Variants in EEF1E1 observed in about 807,000 individuals in gnomAD.
EEF1E1 encodes eukaryotic translation elongation factor 1 epsilon 1.
Under a neutral mutation model 19.9 loss-of-function variants are expected in EEF1E1, and 19 were observed. The ratio of observed to expected loss-of-function variants is 0.95; its 90% CI spans 0.66 to 1.40. EEF1E1 has a LOEUF of 1.40. Among genes scored for constraint, EEF1E1 ranks in the 40% most tolerant of loss-of-function variants. EEF1E1 has a pLI of 0.00. For missense variants in EEF1E1, 198 were observed against 202.2 expected, an observed-to-expected ratio of 0.98 and a Z score of 0.13; for synonymous variants, 81 against 80.0, an observed-to-expected ratio of 1.01 and a Z score of -0.07.
At position 8,102,536 on chromosome 6, in the gene EEF1E1, T is replaced by G. The variant is rs200618410; in HGVS notation, c.-15A>C. 6.2e-7 allele frequency: 1 copy of G among 1,608,544 alleles called. No homozygotes were observed. The highest frequency in any genetic ancestry group is 1.3e-5 in the African/African-American group (1 of 75,038). ...GCCGCCGCCATCTTCCGGCCGTAGCTCCTGGCAGACGCGAGACCTGCAGAA... is the reference window on the plus strand; with the variant it reads ...GCCGCCGCCATCTTCCGGCCGTAGCGCCTGGCAGACGCGAGACCTGCAGAA... On this transcript the variant is annotated 5_prime_UTR_variant, in exon 1 of 4. Transcript: ENST00000379715.
At chr6:8,096,204 G>A (rs527588135) in intron 2 of EEF1E1, among the ~76,000 whole-genome samples, 4 of 152,096 alleles carry the variant, frequency 2.6e-5, no homozygotes, top group East Asian at 3.9e-4. Context: ...CCTATCTTTC[G>A]GAATCAAGTA....
downstream of EEF1E1, among the ~76,000 whole-genome samples, chr6:8,074,439 G>C (rs1757546572): frequency 6.6e-6 from 1 of 152,128 alleles, no homozygotes; most frequent in Admixed American, 6.6e-5. Flanking sequence ...TTGTTCTGAG[G>C]GCTGGATAAG....
chr6:8,100,460 G>A (rs1758316932), intron 1 of EEF1E1, among the ~76,000 whole-genome samples: 1 of 152,164 alleles, frequency 6.6e-6, no homozygotes, highest in Non-Finnish European at 1.5e-5. Context: ...AAAGAGAAGG[G>A]CGATAAGCTA....
intron 2 of EEF1E1, among the ~76,000 whole-genome samples, chr6:8,095,062 T>C (rs9392960): frequency 0.2 from 29,800 of 152,106 alleles, 3,372 homozygotes; most frequent in Non-Finnish European, 0.26. Context: ...ATACATGGAT[T>C]TTCAACTGCT....
At chr6:8,090,681 T>C (rs1338933139) in intron 2 of EEF1E1, among the ~76,000 whole-genome samples, 1 of 152,210 alleles carries the variant, frequency 6.6e-6, no homozygotes, top group Non-Finnish European at 1.5e-5. Flanking sequence ...TCTATATCCA[T>C]GAAACAATAA....
Position 8,079,588 on chromosome 6 carries a change from C to G in EEF1E1, c.*302G>C, listed in dbSNP as rs940485187. Reference sequence around the variant, plus strand: ...AATATGTCAACCATTGAAATGACCACCAATTTTAAGATTAAGCCCGATTTG... The same window carrying G: ...AATATGTCAACCATTGAAATGACCAGCAATTTTAAGATTAAGCCCGATTTG... On this transcript the variant is annotated 3_prime_UTR_variant, in exon 4 of 4. Coordinates refer to ENST00000379715, the MANE Select transcript of EEF1E1 (RefSeq NM_004280.5). 1 of 1,049,110 alleles carries G rather than the reference C, an allele frequency of 9.5e-7. No individual in the cohort carries two copies. The highest frequency in any genetic ancestry group is 1.2e-6 in the Non-Finnish European group (1 of 869,236). The allele number at this position is 1,049,110 out of a possible 1,614,324, so 65.0% of individuals were successfully genotyped here. A position where few individuals can be genotyped will look rare whatever the true frequency, so the allele number is the denominator to read the frequency against.
At chr6:8,094,757 C>A (rs1287602036) in intron 2 of EEF1E1, among the ~76,000 whole-genome samples, 1 of 151,982 alleles carries the variant, frequency 6.6e-6, no homozygotes, top group African/African-American at 2.4e-5. Context: ...CCTCTGTCAC[C>A]CAAGAGAGTA....
At chr6:8,083,142 A>C (rs761062930) in intron 3 of EEF1E1, among the ~76,000 whole-genome samples, 1 of 152,176 alleles carries the variant, frequency 6.6e-6, no homozygotes, top group Non-Finnish European at 1.5e-5. Context: ...TGAACTTTAA[A>C]GCCAAGCAGA....
downstream of EEF1E1, chr6:8,078,574 G>T: frequency 9.9e-7 from 1 of 1,010,930 alleles, no homozygotes; most frequent in South Asian, 2.2e-5. Flanking sequence ...CTCGAAGCAG[G>T]GTTGCCACAA....
chr6:8,074,847 A>G (rs1757554137), downstream of EEF1E1, among the ~76,000 whole-genome samples: 1 of 152,198 alleles, frequency 6.6e-6, no homozygotes. Context: ...CTGTTCCATC[A>G]ATGTTGTGCA....
In EEF1E1 at chr6:8,102,492, C is replaced by A. The variant is rs771368196; in HGVS notation, c.30G>T (p.Leu10=). The part of the protein sequence containing the change: MAAAAELSL[L]EKSLGLSKGN... ...CCTTACTCAGTCCCAGGGACTTCTC[C>A]AGTAGCGACAACTCTGCGGCCGCCG... Residue 10 remains leucine, a synonymous_variant, in exon 1 of 4, where the codon CTG becomes CTT. Coordinates refer to ENST00000379715, the MANE Select transcript of EEF1E1 (RefSeq NM_004280.5). The A allele has an allele frequency of 1.2e-6, 2 of 1,612,116 alleles. No individual in the cohort carries two copies.
chr6:8,085,491 G>A lies in EEF1E1; in HGVS notation c.384+4695C>T, dbSNP rs188029357. Among the ~76,000 whole-genome samples the A allele has an allele frequency of 1.3e-3, 193 of 152,246 alleles. 2 individuals are homozygous for A. The highest frequency in any genetic ancestry group is 1.5e-3 in the Non-Finnish European group (105 of 68,010). ...TCTCAATAAGCATTTAGCTGCACAA[G>A]GCACTGTTTTAAAAGCCAAGAGGGG... On this transcript the variant is annotated intron_variant, in intron 3 of 3. Coordinates refer to ENST00000379715, the MANE Select transcript of EEF1E1 (RefSeq NM_004280.5).
At chr6:8,098,118 ATC>A (rs1474863849) in intron 1 of EEF1E1, among the ~76,000 whole-genome samples, 1 of 147,916 alleles carries the variant, frequency 6.8e-6, no homozygotes, top group East Asian at 2.1e-4. Context: ...TAGAAATAGT[ATC>A]TTTTTTTTTT....
chr6:8,093,629 C>T (rs1486869698), intron 2 of EEF1E1, among the ~76,000 whole-genome samples: 1 of 151,856 alleles, frequency 6.6e-6, no homozygotes, highest in African/African-American at 2.4e-5. Flanking sequence ...AAGAATTAAA[C>T]CCTTTCATAA....
downstream of EEF1E1, among the ~76,000 whole-genome samples, chr6:8,077,003 CA>C (rs777824883): frequency 0.011 from 82 of 7,708 alleles, no homozygotes; most frequent in East Asian, 0.075. Context: ...AGTGCAGTGG[CA>C]GCGATCTCGG....
At chr6:8,095,624 A>G (rs1184890082) in intron 2 of EEF1E1, 2 of 156,280 alleles carry the variant, frequency 1.3e-5, no homozygotes, top group Non-Finnish European at 2.9e-5. Flanking sequence ...AAGGCATAGA[A>G]AAAACACAAA....
chr6:8,074,547 G>C (rs997088062), downstream of EEF1E1, among the ~76,000 whole-genome samples: 1 of 152,210 alleles, frequency 6.6e-6, no homozygotes, highest in Non-Finnish European at 1.5e-5. Context: ...CCAGAATCAG[G>C]GGCCAGGGGT....
At chr6:8,099,684 T>G (rs1267855698) in intron 1 of EEF1E1, among the ~76,000 whole-genome samples, 1 of 148,364 alleles carries the variant, frequency 6.7e-6, no homozygotes, top group Non-Finnish European at 1.5e-5. Context: ...GAGGCAGAGG[T>G]TGCAGTGAGC....
chr6:8,099,114 GACACATACTA>G (rs1328914211), intron 1 of EEF1E1, among the ~76,000 whole-genome samples: 1 of 152,098 alleles, frequency 6.6e-6, no homozygotes, highest in Non-Finnish European at 1.5e-5. Context: ...ATTCTTATGA[GACACATACTA>G]TTTTCACATT....
Sources: gnomAD v4.1 joint callset for allele counts (sites outside exome capture counted in the v4.1 genomes callset) on GRCh38, gnomAD v4.1.1 for gene constraint, MANE v1.5 for transcripts, NCBI Gene and HGNC (gene_info 2026-07-23, HGNC 2026-07-21) for gene names.